The following FAM228B variants were observed in gnomAD, a reference collection of about 807,000 sequenced individuals.
FAM228B encodes the protein protein FAM228B.
Under a neutral mutation model 42.6 loss-of-function variants are expected in FAM228B, and 38 were observed. The observed-to-expected ratio is 0.89, with a 90% CI of 0.69 to 1.17. FAM228B has a LOEUF of 1.17. Among genes scored for constraint, FAM228B ranks in the 50% most tolerant of loss-of-function variants. The pLI is 0.00. For synonymous variants in FAM228B, 109 were observed against 122.3 expected, an observed-to-expected ratio of 0.89 and a Z score of 0.72; for missense variants, 344 against 367.3, an observed-to-expected ratio of 0.94 and a Z score of 0.52.
At chr2:24,111,601 T>TTGTC (rs754237289) in intron 3 of FAM228B, among the ~76,000 whole-genome samples, 7 of 152,190 alleles carry the variant, frequency 4.6e-5, no homozygotes, top group Non-Finnish European at 1.0e-4. Context: ...GCTTCCTGGC[T>TTGTC]TGTCGTGCAA....
intron 2 of FAM228B, among the ~76,000 whole-genome samples, chr2:24,131,667 G>A (rs1666456777): frequency 6.6e-6 from 1 of 152,124 alleles, no homozygotes; most frequent in African/African-American, 2.4e-5. Flanking sequence ...TGTGATTTTT[G>A]CACATCGATT....
Position 24,102,086 on chromosome 2 carries a change from C to T in FAM228B, c.-121+6857C>T, listed in dbSNP as rs549589487. 1.1e-4 allele frequency among the ~76,000 whole-genome samples: 16 copies of T among 152,306 alleles called. No homozygotes were observed. The South Asian group carries it at 3.3e-3, about 32-fold the overall frequency. On this transcript the variant is annotated intron_variant, in intron 3 of 10. Transcript: ENST00000613899. ...ATGCCAGCCGATTCTTTGAATACCT[C>T]TGAATTATATAATAAAAACCATATA...
intron 1 of FAM228B, 121 bp from the exon 2 acceptor site, chr2:24,124,209 G>T: frequency 1.8e-6 from 1 of 566,346 alleles, no homozygotes; most frequent in Non-Finnish European, 3.1e-6. Flanking sequence ...TCTTGTTAGG[G>T]AAACTGGATG....
chr2:24,156,028 G>C (rs1478953932), intron 7 of FAM228B, among the ~76,000 whole-genome samples: 1 of 152,208 alleles, frequency 6.6e-6, no homozygotes. Context: ...AGGAGTCTGA[G>C]ATTGGGAAGA....
At chr2:24,129,586 C>G (rs1331010641) in intron 2 of FAM228B, among the ~76,000 whole-genome samples, 42 of 151,928 alleles carry the variant, frequency 2.8e-4, no homozygotes, top group Non-Finnish European at 2.2e-4. Context: ...AGTTCACTGA[C>G]TATTTTTATG....
At chr2:24,091,666 A>T (rs574094237) in intron 2 of FAM228B, among the ~76,000 whole-genome samples, 1 of 152,314 alleles carries the variant, frequency 6.6e-6, no homozygotes, top group South Asian at 2.1e-4. Context: ...TTGTAAAAGC[A>T]TAAGGAATGT....
intron 2 of FAM228B, chr2:24,081,114 G>T: frequency 9.0e-7 from 1 of 1,115,326 alleles, no homozygotes; most frequent in Non-Finnish European, 1.2e-6. Context: ...AGATCACCTG[G>T]CCGTTGCACC....
intron 3 of FAM228B, among the ~76,000 whole-genome samples, chr2:24,100,554 C>T (rs1665586688): frequency 2.0e-5 from 3 of 152,162 alleles, no homozygotes; most frequent in Middle Eastern, 3.2e-3. Flanking sequence ...AAATCAAAAC[C>T]ACAATGAGAT....
chr2:24,080,253 G>C lies in FAM228B; in HGVS notation c.-289-623G>C, dbSNP rs372730847. 6.6e-6 allele frequency among the ~76,000 whole-genome samples: 1 copy of C among 151,996 alleles called. No individual in the cohort carries two copies. The highest frequency in any genetic ancestry group is 1.5e-5 in the Non-Finnish European group (1 of 68,010). On this transcript the variant is annotated intron_variant, in intron 1 of 10. Transcript: ENST00000613899. The surrounding 1 kb of genome is among the most constrained non-coding windows in gnomAD (Gnocchi z 4.7). Reference sequence around the variant, plus strand: ...GCCTGTGATCTCAGCTACTCAGGAGGCTAAGGCTGGAGAATCACTTGAACC... The same window carrying C: ...GCCTGTGATCTCAGCTACTCAGGAGCCTAAGGCTGGAGAATCACTTGAACC...
In FAM228B at chr2:24,135,154, A is replaced by G; in HGVS notation, c.135A>G (p.Gln45=). 6.6e-7 allele frequency: 1 copy of G among 1,509,938 alleles called. No homozygotes were observed. The highest frequency in any genetic ancestry group is 8.9e-7 in the Non-Finnish European group (1 of 1,117,776). 93.5% of individuals were successfully genotyped at this position (1,509,938 alleles called of 1,614,324 possible). Residue 45 remains glutamine (Q), a synonymous_variant, in exon 3 of 11, where the codon CAA becomes CAG. Coordinates refer to ENST00000615575, the MANE Select transcript of FAM228B (RefSeq NM_001145710.2). The stretch of plus-strand genomic sequence containing the variant: ...AAGAAGATACTGAGGCAGCTATTCA[A>G]TCAATATTATACAAAGAAAATTCTG... ...LAKEDTEAAI[Q]SILYKENSVI... is the part of the protein sequence containing the mutation.
chr2:24,123,767 G>A (rs953587445), intron 1 of FAM228B, among the ~76,000 whole-genome samples: 7 of 151,830 alleles, frequency 4.6e-5, no homozygotes, highest in Non-Finnish European at 8.8e-5. Context: ...GGCTGGCGTG[G>A]AGGCCGCAGG....
chr2:24,123,902 G>C (rs1666221723), intron 1 of FAM228B, among the ~76,000 whole-genome samples: 1 of 152,198 alleles, frequency 6.6e-6, no homozygotes, highest in Non-Finnish European at 1.5e-5. Context: ...CTCAGAGCTC[G>C]AAGACTCGCG....
chr2:24,088,831 G>A (rs1016590687), intron 2 of FAM228B, among the ~76,000 whole-genome samples: 6 of 152,176 alleles, frequency 3.9e-5, no homozygotes, highest in Middle Eastern at 3.2e-3. Flanking sequence ...GCAACCTTGC[G>A]GGACTGAGCC....
chr2:24,119,625 T>C (rs1407994730), upstream of FAM228B: 2 of 1,613,830 alleles, frequency 1.2e-6, no homozygotes, highest in Non-Finnish European at 1.7e-6. Context: ...ATGCCCTCAG[T>C]GTAAGTTGCT....
chr2:24,120,268 C>CAA (rs58841450), upstream of FAM228B, among the ~76,000 whole-genome samples: 6 of 118,280 alleles, frequency 5.1e-5, no homozygotes, highest in South Asian at 6.4e-4. Context: ...AAACTCGTCT[C>CAA]AAAAAAAAAA....
chr2:24,110,355 G>T (rs1365997670), intron 3 of FAM228B, among the ~76,000 whole-genome samples: 3 of 152,150 alleles, frequency 2.0e-5, no homozygotes, highest in Non-Finnish European at 4.4e-5. Flanking sequence ...TGGGGGATAG[G>T]TACTAGATAG....
At chr2:24,131,466 A>C (rs1421816400) in intron 2 of FAM228B, among the ~76,000 whole-genome samples, 4 of 152,032 alleles carry the variant, frequency 2.6e-5, no homozygotes, top group Non-Finnish European at 5.9e-5. Flanking sequence ...ATGAGCATGG[A>C]ATGTTTTTCC....
At chr2:24,117,884 A>G (rs1665976168) in intron 3 of FAM228B, among the ~76,000 whole-genome samples, 1 of 152,236 alleles carries the variant, frequency 6.6e-6, no homozygotes, top group South Asian at 2.1e-4. Context: ...AGCCTTGTCC[A>G]TCCTTCCTGA....
chr2:24,140,390 T>C (rs1558387572), intron 5 of FAM228B, among the ~76,000 whole-genome samples: 1 of 152,080 alleles, frequency 6.6e-6, no homozygotes, highest in Non-Finnish European at 1.5e-5. Flanking sequence ...TTGGCCAGGC[T>C]GGTCTCAAAC....
Sources: gnomAD v4.1 joint callset for allele counts (sites outside exome capture counted in the v4.1 genomes callset) on GRCh38, gnomAD v4.1.1 for gene constraint, Gnocchi (gnomAD v3.1) non-coding constraint, MANE v1.5 for transcripts, NCBI Gene and HGNC (gene_info 2026-07-23, HGNC 2026-07-21) for gene names.